BMPR1A: variants seen among roughly 807,000 people sequenced by gnomAD.
BMPR1A encodes bone morphogenetic protein receptor type 1A.
In BMPR1A, 7 loss-of-function variants were observed where a neutral mutation model predicts 66.0. That is an observed-to-expected ratio of 0.11 (90% CI 0.06 to 0.20). The LOEUF is 0.20. BMPR1A is among the 10% of genes least tolerant of loss of function. The probability of loss-of-function intolerance (pLI) is 1.00; values close to 1 mark genes in which losing one functional copy is unlikely to be tolerated. For synonymous variants in BMPR1A, 200 were observed against 229.7 expected (o/e 0.87, Z 1.17); for missense variants, 408 against 669.1 (o/e 0.61, Z 4.31).
intron 1 of BMPR1A, among the ~76,000 whole-genome samples, chr10:86,773,779 T>C (rs1180866329): frequency 6.6e-6 from 1 of 151,926 alleles, no homozygotes; most frequent in African/African-American, 2.4e-5. Context: ...AAGAAAAAGA[T>C]ATCTTAAATA....
In BMPR1A at chr10:86,890,243, C is replaced by G. The variant is rs751663790; in HGVS notation, c.230+19C>G. ...CATGCATGTAAGTATTTTATGCAGC[C>G]CTTCTTAAGAGTTAGGAGAATAGAG... is the stretch of plus-strand genomic sequence containing the variant. On this transcript the variant is annotated intron_variant, in intron 4 of 12. Transcript: ENST00000372037. The G allele has an allele frequency of 2.5e-6, 4 of 1,612,218 alleles. No individual in the cohort carries two copies. The South Asian group carries it at 4.4e-5, about 18-fold the overall frequency.
At chr10:86,917,045 A>G (rs1843580626) in intron 8 of BMPR1A, 89 bp from the exon 9 acceptor site, 4 of 1,430,488 alleles carry the variant, frequency 2.8e-6, no homozygotes, top group Non-Finnish European at 3.9e-6. Flanking sequence ...TGGGTACACC[A>G]TGCTTTTTGA....
At chr10:86,873,079 G>A (rs1220432498) in intron 2 of BMPR1A, among the ~76,000 whole-genome samples, 1 of 152,138 alleles carries the variant, frequency 6.6e-6, no homozygotes, top group Non-Finnish European at 1.5e-5. Context: ...AGAGTCTCAC[G>A]GCCAGCCAGC....
chr10:86,902,071 G>T (rs920750847), intron 7 of BMPR1A, among the ~76,000 whole-genome samples: 1 of 152,050 alleles, frequency 6.6e-6, no homozygotes, highest in Admixed American at 6.5e-5. Context: ...TGTTGACCAG[G>T]CTGGTCTCAA....
At chr10:86,875,317 G>A (rs969463676) in intron 2 of BMPR1A, among the ~76,000 whole-genome samples, 2 of 150,950 alleles carry the variant, frequency 1.3e-5, no homozygotes, top group African/African-American at 4.9e-5. Flanking sequence ...AGGTTGCAGT[G>A]AGTCGAGATG....
rs528643379 is a variant in BMPR1A at position 86,845,245 on chromosome 10, G to GAGAC, written c.-153+6268_-153+6269insACAG. 7.2e-5 allele frequency among the ~76,000 whole-genome samples: 11 copies of GAGAC among 152,356 alleles called. No individual in the cohort carries two copies. The South Asian group carries it at 2.1e-3, about 29-fold the overall frequency. ...AATGGGAAAAGTGAGACAGAGAAGG[G>GAGAC]AGTGAAGTTTCATTAAGTGGGTGAT... On this transcript the variant is annotated intron_variant, in intron 2 of 12. Coordinates refer to ENST00000372037, the MANE Select transcript of BMPR1A (RefSeq NM_004329.3).
chr10:86,809,668 C>T (rs868828638), intron 1 of BMPR1A, among the ~76,000 whole-genome samples: 26 of 149,054 alleles, frequency 1.7e-4, no homozygotes, highest in African/African-American at 6.5e-4. Context: ...GGCCTCAGCT[C>T]CTGGCCTCAA....
intron 1 of BMPR1A, among the ~76,000 whole-genome samples, chr10:86,783,001 G>A (rs908460838): frequency 5.9e-5 from 9 of 152,004 alleles, no homozygotes; most frequent in Non-Finnish European, 1.2e-4. Context: ...TATGGTTTCA[G>A]GTCTTATGTT....
At chr10:86,877,921 T>G (rs1278603918) in intron 3 of BMPR1A, among the ~76,000 whole-genome samples, 1 of 152,224 alleles carries the variant, frequency 6.6e-6, no homozygotes, top group African/African-American at 2.4e-5. Context: ...TTTTATTAGG[T>G]GGAATAAGTT....
At chr10:86,916,053 G>T (rs181289864) in intron 8 of BMPR1A, among the ~76,000 whole-genome samples, 1 of 152,296 alleles carries the variant, frequency 6.6e-6, no homozygotes, top group East Asian at 1.9e-4. Context: ...GAGGTTTTGT[G>T]TGCTATGAAG....
intron 2 of BMPR1A, chr10:86,856,376 C>T (rs374057678): frequency 9.1e-6 from 3 of 329,786 alleles, no homozygotes; most frequent in Admixed American, 4.2e-5. Context: ...TGGACCAGCT[C>T]CAGAGTCTCG....
intron 1 of BMPR1A, among the ~76,000 whole-genome samples, chr10:86,808,682 G>T (rs972824034): frequency 6.6e-6 from 1 of 152,140 alleles, no homozygotes; most frequent in African/African-American, 2.4e-5. Flanking sequence ...TTACAATGTG[G>T]GTGAAAACTG....
At chr10:86,800,728 G>A (rs11202191) in intron 1 of BMPR1A, among the ~76,000 whole-genome samples, 6 of 152,178 alleles carry the variant, frequency 3.9e-5, no homozygotes, top group Non-Finnish European at 5.9e-5. Flanking sequence ...AAGAAAGCAT[G>A]TAATTCTTTG....
At chr10:86,856,764 G>A (rs146273157) in intron 2 of BMPR1A, among the ~76,000 whole-genome samples, 95 of 152,258 alleles carry the variant, frequency 6.2e-4, no homozygotes, top group African/African-American at 2.1e-3. Context: ...CCCTTGCTGC[G>A]AGTACAAGTT....
rs754463242 is a variant in BMPR1A at position 86,903,896 on chromosome 10, G to A, written c.530+3770G>A. Among the ~76,000 whole-genome samples, 39 of 149,794 alleles carry A rather than the reference G, an allele frequency of 2.6e-4. 1 individual carries two copies. The East Asian group carries it at 6.6e-3, about 25-fold the overall frequency. On this transcript the variant is annotated intron_variant, in intron 7 of 12. Coordinates refer to ENST00000372037, the MANE Select transcript of BMPR1A (RefSeq NM_004329.3). ...GCTGGGATTACAGGCATGAGCCACC[G>A]TGCCCGGCCTATTATTTTTATTTTT...
chr10:86,921,748 TAAC>T, intron 11 of BMPR1A, 53 bp downstream of exon 11: 2 of 1,611,482 alleles, frequency 1.2e-6, no homozygotes, highest in Admixed American at 3.3e-5. Context: ...ATTTTAAAAA[TAAC>T]AGCTCCAGTT....
chr10:86,799,421 A>T (rs1841773578), intron 1 of BMPR1A, among the ~76,000 whole-genome samples: 2 of 152,024 alleles, frequency 1.3e-5, no homozygotes, highest in Non-Finnish European at 2.9e-5. Flanking sequence ...AACTACTGAT[A>T]ACTACTTTTT....
chr10:86,854,917 CTTTT>C (rs911629340), intron 2 of BMPR1A: 7 of 174,448 alleles, frequency 4.0e-5, no homozygotes, highest in Admixed American at 1.2e-4. Context: ...TCATTAAGTT[CTTTT>C]TTTTTCTTTT....
intron 1 of BMPR1A, among the ~76,000 whole-genome samples, chr10:86,814,770 C>T (rs1842011056): frequency 6.6e-6 from 1 of 151,806 alleles, no homozygotes; most frequent in African/African-American, 2.4e-5. Context: ...GTTCCCGATT[C>T]CTTCACTGTT....
Sources: allele counts gnomAD v4.1 joint callset (sites outside exome capture counted in the v4.1 genomes callset), GRCh38; gene constraint gnomAD v4.1.1; transcripts MANE v1.5; gene names NCBI Gene and HGNC (gene_info 2026-07-23, HGNC 2026-07-21).